The following ACOX3 variants were observed in gnomAD, a reference collection of about 807,000 sequenced individuals.
ACOX3 encodes the protein peroxisomal acyl-coenzyme A oxidase 3.
Under a neutral mutation model 81.5 loss-of-function variants are expected in ACOX3, and 73 were observed. The observed-to-expected ratio is 0.90, with a 90% CI of 0.74 to 1.09. ACOX3 has a LOEUF of 1.09. Among genes scored for constraint, ACOX3 ranks in the 50% least tolerant of loss-of-function variants. The probability of loss-of-function intolerance (pLI) is 0.00; values close to 1 mark genes in which losing one functional copy is unlikely to be tolerated. For synonymous variants in ACOX3, 387 were observed against 375.1 expected (o/e 1.03, Z -0.37); for missense variants, 947 against 928.0 (o/e 1.02, Z -0.27).
At chr4:8,364,410 G>A (rs1422766272), downstream of ACOX3, among the ~76,000 whole-genome samples, 1 of 152,248 alleles carries the variant, frequency 6.6e-6, no homozygotes, top group Non-Finnish European at 1.5e-5. The surrounding 1 kb of genome is among the most constrained non-coding windows in gnomAD (Gnocchi z 5.0). Context: ...GGCGAATGAG[G>A]ACCTTTCCAA....
chr4:8,382,011 C>T lies in ACOX3; in HGVS notation c.1538-404G>A, dbSNP rs866114147. On this transcript the variant is annotated intron_variant, in intron 13 of 17. Coordinates refer to ENST00000356406, the MANE Select transcript of ACOX3 (RefSeq NM_003501.3). The surrounding 1 kb of genome is among the most constrained non-coding windows in gnomAD (Gnocchi z 4.1). ...AGCCAGGACTGCATGGGCAGCAGGA[C>T]AACTGGCCGGCGGTGGCGCCCAGTG... 4.1e-4 allele frequency among the ~76,000 whole-genome samples: 62 copies of T among 152,366 alleles called. 1 individual carries two copies. Among genetic ancestry groups the T allele is most frequent in the African/African-American group, 1.2e-3 (50 of 41,588 alleles).
At position 8,399,421 on chromosome 4, in the gene ACOX3, G is replaced by A. The variant is rs1720100124; in HGVS notation, c.873+135C>T. ...GCGGGAGCACCAGAACCCGAGCCAG[G>A]AGAAGTATGCCCCAGCGACACCTGG... On this transcript the variant is annotated intron_variant, in intron 8 of 17. Coordinates refer to ENST00000356406, the MANE Select transcript of ACOX3 (RefSeq NM_003501.3). This position sits in a 1 kb window ranked among gnomAD's most constrained non-coding sequence, Gnocchi z 4.9. 2 of 723,304 alleles carry A rather than the reference G, an allele frequency of 2.8e-6. No individual in the cohort carries two copies. Among genetic ancestry groups the A allele is most frequent in the Admixed American group, 2.8e-5 (1 of 35,900 alleles). The allele number at this position is 723,304 out of a possible 1,614,324, so 44.8% of individuals were successfully genotyped here.
chr4:8,407,419 G>A lies in ACOX3; in HGVS notation c.688-1376C>T, dbSNP rs527711529. Among the ~76,000 whole-genome samples, 1 of 152,320 alleles carries A rather than the reference G, an allele frequency of 6.6e-6. No homozygotes were observed. Among genetic ancestry groups the A allele is most frequent in the East Asian group, 1.9e-4 (1 of 5,178 alleles). ...GCCCACATGGGGCCACAGGCCTGGG[G>A]CCACCAGGAGCTGAAAGAGATAGGA... On this transcript the variant is annotated intron_variant, in intron 6 of 17. Coordinates refer to ENST00000356406, the MANE Select transcript of ACOX3 (RefSeq NM_003501.3). The surrounding 1 kb of genome is among the most constrained non-coding windows in gnomAD (Gnocchi z 4.6).
chr4:8,383,209 C>CCGCAGGCAGGG (rs1553839823), intron 13 of ACOX3, among the ~76,000 whole-genome samples: 2 of 152,220 alleles, frequency 1.3e-5, no homozygotes, highest in East Asian at 1.9e-4. Context: ...GCTGCTGACC[C>CCGCAGGCAGGG]CGCAGGCAGG....
chr4:8,406,157 T>C lies in ACOX3; in HGVS notation c.688-114A>G. 2.1e-6 allele frequency: 2 copies of C among 952,722 alleles called. No individual in the cohort carries two copies. Among genetic ancestry groups the C allele is most frequent in the Non-Finnish European group, 3.3e-6 (2 of 600,310 alleles). The allele number at this position is 952,722 out of a possible 1,614,324, so 59.0% of individuals were successfully genotyped here. ...CCATGGGCTCAACGCTGGGCGGCTGTGGGTTAAACCATCCTCCAGAAATGA... is the reference window on the plus strand; with the variant it reads ...CCATGGGCTCAACGCTGGGCGGCTGCGGGTTAAACCATCCTCCAGAAATGA... On this transcript the variant is annotated intron_variant, in intron 6 of 17. Transcript: ENST00000356406. This position sits in a 1 kb window ranked among gnomAD's most constrained non-coding sequence, Gnocchi z 5.6.
rs939728609 is a variant in ACOX3 at position 8,394,034 on chromosome 4, T to A, written c.1179+586A>T. Reference sequence around the variant, plus strand: ...TACAGGCTTTTTCTGATGTTGTACATAACAGCAATCTGTGGCGTTTCTCCT... The same window carrying A: ...TACAGGCTTTTTCTGATGTTGTACAAAACAGCAATCTGTGGCGTTTCTCCT... On this transcript the variant is annotated intron_variant, in intron 10 of 17. Transcript: ENST00000356406. The surrounding 1 kb of genome is among the most constrained non-coding windows in gnomAD (Gnocchi z 5.9). Among the ~76,000 whole-genome samples, 1 of 152,240 alleles carries A rather than the reference T, an allele frequency of 6.6e-6. No individual in the cohort carries two copies. Among genetic ancestry groups the A allele is most frequent in the African/African-American group, 2.4e-5 (1 of 41,470 alleles).
intron 15 of ACOX3, 80 bp downstream of exon 15, chr4:8,374,898 G>T: frequency 7.1e-7 from 1 of 1,398,664 alleles, no homozygotes. Flanking sequence ...GAGGACGATG[G>T]TGCAGGAAGC....
chr4:8,364,674 T>A (rs1422039144), downstream of ACOX3, among the ~76,000 whole-genome samples: 1 of 152,264 alleles, frequency 6.6e-6, no homozygotes, highest in Non-Finnish European at 1.5e-5. The surrounding 1 kb of genome is among the most constrained non-coding windows in gnomAD (Gnocchi z 5.0). Context: ...CCGTCATATA[T>A]GACACCGAAG....
chr4:8,408,891 T>TGGGGGG lies in ACOX3; in HGVS notation c.687+1315_687+1320dup, dbSNP rs200811549. On this transcript the variant is annotated intron_variant, in intron 6 of 17. Coordinates refer to ENST00000356406, the MANE Select transcript of ACOX3 (RefSeq NM_003501.3). ...GCTTCTTGTGGGACTGAGCCCTCAC[T>TGGGGGG]GGGGGGGGGGGGTGGGGGGGGGGTG... is the stretch of plus-strand genomic sequence containing the variant. Among the ~76,000 whole-genome samples, 44 of 25,790 alleles carry TGGGGGG rather than the reference T, an allele frequency of 1.7e-3. 1 individual carries two copies. Among genetic ancestry groups the TGGGGGG allele is most frequent in the Admixed American group, 2.5e-3 (5 of 2,040 alleles). The allele number at this position is 25,790 out of a possible 152,430, so 16.9% of individuals were successfully genotyped here.
chr4:8,383,151 T>G (rs1446822254), intron 13 of ACOX3, among the ~76,000 whole-genome samples: 1 of 152,214 alleles, frequency 6.6e-6, no homozygotes, highest in Non-Finnish European at 1.5e-5. Context: ...GTCAGGCGGC[T>G]TGCCGGAGGT....
rs180715741 is a variant in ACOX3 at position 8,418,541 on chromosome 4, T to C, written c.-14-2006A>G. Among the ~76,000 whole-genome samples the C allele has an allele frequency of 1.2e-4, 18 of 149,064 alleles. No homozygotes were observed. In the East Asian group the frequency reaches 3.1e-3, roughly 26 times the overall value. On this transcript the variant is annotated intron_variant, in intron 1 of 17. Transcript: ENST00000356406. ...TTAAAAAATGGGCAAAGGGTTCAAA[T>C]AGACATTTCTCCAAAGACAGACAAA... is the stretch of plus-strand genomic sequence containing the variant.
rs371820928 is a variant in ACOX3 at position 8,394,706 on chromosome 4, C to T, written c.1093G>A (p.Ala365Thr). ...RLLPYLAAVY[A>T]LDHFSKSLFL... is the part of the protein sequence containing the mutation. ...AGCGACTTGGAGAAATGGTCTAAGGCGTAGACAGCTGCCAGATATGGAAGC... is the reference window on the plus strand; with the variant it reads ...AGCGACTTGGAGAAATGGTCTAAGGTGTAGACAGCTGCCAGATATGGAAGC... The change falls in exon 10 of 18, where the codon GCC (alanine) becomes ACC (threonine). Residue 365 changes from alanine to threonine, a missense_variant. Transcript: ENST00000356406. The surrounding 1 kb of genome is among the most constrained non-coding windows in gnomAD (Gnocchi z 5.9). 3.2e-5 allele frequency: 52 copies of T among 1,613,604 alleles called. No homozygotes were observed. The highest frequency in any genetic ancestry group is 5.5e-5 in the South Asian group (5 of 91,072).
chr4:8,398,853 A>T (rs1043789283), intron 8 of ACOX3, among the ~76,000 whole-genome samples: 5 of 152,220 alleles, frequency 3.3e-5, no homozygotes, highest in African/African-American at 1.2e-4. Flanking sequence ...TGAGATAGTT[A>T]TCCCAAATGC....
In ACOX3 at chr4:8,386,320, A is replaced by C. The variant is rs1400549217; in HGVS notation, c.1537+2853T>G. Among the ~76,000 whole-genome samples the C allele has an allele frequency of 9.2e-5, 14 of 152,172 alleles. No homozygotes were observed. Among genetic ancestry groups the C allele is most frequent in the Admixed American group, 9.2e-4 (14 of 15,272 alleles). ...GGTGGCTCATGCCTGTGATCCCAGC[A>C]CTTCGGGAGGCCAAGGTGGGCGGAT... On this transcript the variant is annotated intron_variant, in intron 13 of 17. Transcript: ENST00000356406. The surrounding 1 kb of genome is among the most constrained non-coding windows in gnomAD (Gnocchi z 5.2).
At position 8,373,644 on chromosome 4, in the gene ACOX3, C is replaced by A. The variant is rs753871929; in HGVS notation, c.1829-16G>T. 1 of 1,607,870 alleles carries A rather than the reference C, an allele frequency of 6.2e-7. No homozygotes were observed. Among genetic ancestry groups the A allele is most frequent in the East Asian group, 2.3e-5 (1 of 44,404 alleles). ...AAGTATCCTCCTGCAAGCACAGCCTCGGTCACATGGGGGCTGGGTCCAGTC... is the reference window on the plus strand; with the variant it reads ...AAGTATCCTCCTGCAAGCACAGCCTAGGTCACATGGGGGCTGGGTCCAGTC... On this transcript the variant is annotated splice_polypyrimidine_tract_variant and intron_variant, in intron 15 of 17. Coordinates refer to ENST00000356406, the MANE Select transcript of ACOX3 (RefSeq NM_003501.3).
At position 8,431,603 on chromosome 4, in the gene ACOX3, T is replaced by A. The variant is rs1043766800; in HGVS notation, c.-15+9045A>T. On this transcript the variant is annotated intron_variant, in intron 1 of 17. Coordinates refer to ENST00000356406, the MANE Select transcript of ACOX3 (RefSeq NM_003501.3). This position sits in a 1 kb window ranked among gnomAD's most constrained non-coding sequence, Gnocchi z 5.3. The stretch of plus-strand genomic sequence containing the variant: ...AAATTTGGGGAAAAAAATAAGGGAA[T>A]TTGGCTTTATACATGTTTGTTAGCT... Among the ~76,000 whole-genome samples, 4 of 152,164 alleles carry A rather than the reference T, an allele frequency of 2.6e-5. No individual in the cohort carries two copies. Among genetic ancestry groups the A allele is most frequent in the Non-Finnish European group, 5.9e-5 (4 of 68,026 alleles).
Position 8,423,147 on chromosome 4 carries a change from G to A in ACOX3, c.-14-6612C>T, listed in dbSNP as rs1009940672. ...CCGTCCTCCAGATCTGTCACTACCCGAGGGGTCCTAGGATAGGCAGTCACT... is the reference window on the plus strand; with the variant it reads ...CCGTCCTCCAGATCTGTCACTACCCAAGGGGTCCTAGGATAGGCAGTCACT... On this transcript the variant is annotated intron_variant, in intron 1 of 17. Coordinates refer to ENST00000356406, the MANE Select transcript of ACOX3 (RefSeq NM_003501.3). The surrounding 1 kb of genome is among the most constrained non-coding windows in gnomAD (Gnocchi z 4.2). 6.6e-5 allele frequency among the ~76,000 whole-genome samples: 10 copies of A among 152,130 alleles called. No homozygotes were observed. Among genetic ancestry groups the A allele is most frequent in the Non-Finnish European group, 1.5e-4 (10 of 68,028 alleles).
rs1723122483 is a variant in ACOX3, at chr4:8,423,120, A to G, written c.-14-6585T>C. 6.6e-6 allele frequency among the ~76,000 whole-genome samples: 1 copy of G among 152,158 alleles called. No homozygotes were observed. Among genetic ancestry groups the G allele is most frequent in the South Asian group, 2.1e-4 (1 of 4,836 alleles). Reference sequence around the variant, plus strand: ...TCAGTCTTAGTCTCTGGTCCTGGACAACCGTCCTCCAGATCTGTCACTACC... The same window carrying G: ...TCAGTCTTAGTCTCTGGTCCTGGACGACCGTCCTCCAGATCTGTCACTACC... On this transcript the variant is annotated intron_variant, in intron 1 of 17. Transcript: ENST00000356406. This position sits in a 1 kb window ranked among gnomAD's most constrained non-coding sequence, Gnocchi z 4.2.
In ACOX3 at chr4:8,430,850, C is replaced by T. The variant is rs1723913534; in HGVS notation, c.-15+9798G>A. Among the ~76,000 whole-genome samples, 1 of 152,074 alleles carries T rather than the reference C, an allele frequency of 6.6e-6. No individual in the cohort carries two copies. Among genetic ancestry groups the T allele is most frequent in the South Asian group, 2.1e-4 (1 of 4,826 alleles). On this transcript the variant is annotated intron_variant, in intron 1 of 17. Transcript: ENST00000356406. The surrounding 1 kb of genome is among the most constrained non-coding windows in gnomAD (Gnocchi z 5.2). ...CAGCCTGGGTGACAAGAGTGAAACT[C>T]CATCTCAAAAAATAAAAATAAAAAT...
Sources: gnomAD v4.1 joint callset for allele counts (sites outside exome capture counted in the v4.1 genomes callset) on GRCh38, gnomAD v4.1.1 for gene constraint, Gnocchi (gnomAD v3.1) non-coding constraint, MANE v1.5 for transcripts, NCBI Gene and HGNC (gene_info 2026-07-23, HGNC 2026-07-21) for gene names.